Variants in VRK2 observed in about 807,000 individuals in gnomAD.
VRK2 encodes serine/threonine-protein kinase VRK2.
In VRK2, 60 loss-of-function variants were observed where a neutral mutation model predicts 57.6. That is an observed-to-expected ratio of 1.04 (90% confidence interval 0.85 to 1.29). The LOEUF is 1.29. VRK2 is among the 50% of genes most tolerant of loss of function. The pLI is 0.00. For synonymous variants in VRK2, 231 were observed against 199.2 expected, an observed-to-expected ratio of 1.16 and a Z score of -1.35; for missense variants, 705 against 588.1, an observed-to-expected ratio of 1.20 and a Z score of -2.06.
At chr2:58,046,463 C>T, upstream of VRK2, 1 of 983,032 alleles carries the variant, frequency 1.0e-6, no homozygotes, top group Middle Eastern at 5.2e-4. Context: ...TCGTAGTACT[C>T]AGGTTGTGGT....
intron 8 of VRK2, among the ~76,000 whole-genome samples, chr2:58,127,934 C>T (rs192746818): frequency 2.0e-5 from 3 of 152,272 alleles, no homozygotes; most frequent in Admixed American, 2.0e-4. Flanking sequence ...CTCTTTCAGT[C>T]CATTTGGTGA....
At chr2:58,028,392 T>C (rs1404974961) in intron 2 of VRK2, 1 of 152,186 alleles carries the variant, frequency 6.6e-6, no homozygotes, top group African/African-American at 2.4e-5. Flanking sequence ...TCCAAGTCTT[T>C]GCTATTGTGA....
At chr2:57,974,056 G>C (rs1268687413) in intron 1 of VRK2, among the ~76,000 whole-genome samples, 1 of 151,732 alleles carries the variant, frequency 6.6e-6, no homozygotes, top group Non-Finnish European at 1.5e-5. Context: ...ATGTGCAAAG[G>C]CTCTGAGGAA....
chr2:58,157,134 T>C (rs1005693850), intron 12 of VRK2, among the ~76,000 whole-genome samples: 2 of 152,188 alleles, frequency 1.3e-5, no homozygotes, highest in African/African-American at 4.8e-5. Flanking sequence ...TTGTTTTAGA[T>C]CCCTAAGTTA....
rs144275148 is a variant in VRK2 at position 58,137,203 on chromosome 2, T to A, written c.856+2004T>A. Reference sequence around the variant, plus strand: ...ATATCATATATGATACATATATATCTCATATATGATACATATATATCATAT... The same window carrying A: ...ATATCATATATGATACATATATATCACATATATGATACATATATATCATAT... On this transcript the variant is annotated intron_variant, in intron 10 of 12. Transcript: ENST00000340157. Among the ~76,000 whole-genome samples the A allele has an allele frequency of 3.8e-3, 53 of 13,798 alleles. 8 individuals carry two copies. Among genetic ancestry groups the A allele is most frequent in the African/African-American group, 0.014 (51 of 3,728 alleles). 9.1% of individuals were successfully genotyped at this position (13,798 alleles called of 152,430 possible).
At chr2:57,977,670 T>C (rs1672293097) in intron 1 of VRK2, among the ~76,000 whole-genome samples, 1 of 151,220 alleles carries the variant, frequency 6.6e-6, no homozygotes, top group Non-Finnish European at 1.5e-5. Context: ...CAAAGAGAGA[T>C]CGTTTGACTT....
chr2:58,074,441 G>T (rs866944314), intron 2 of VRK2, among the ~76,000 whole-genome samples: 1 of 151,728 alleles, frequency 6.6e-6, no homozygotes, highest in African/African-American at 2.4e-5. Context: ...TCCTTTCTTG[G>T]AGTATCAATT....
intron 1 of VRK2, among the ~76,000 whole-genome samples, chr2:57,922,258 C>T (rs1670373669): frequency 6.6e-6 from 1 of 151,922 alleles, no homozygotes; most frequent in African/African-American, 2.4e-5. Context: ...GATACGCATT[C>T]TAAAATTCTG....
intron 1 of VRK2, among the ~76,000 whole-genome samples, chr2:57,986,099 G>A (rs1460516537): frequency 1.3e-5 from 2 of 152,010 alleles, no homozygotes; most frequent in Non-Finnish European, 2.9e-5. Flanking sequence ...GCAAGAAATG[G>A]AAATTTTACC....
At chr2:57,998,172 A>G (rs959670856) in intron 1 of VRK2, among the ~76,000 whole-genome samples, 1 of 152,210 alleles carries the variant, frequency 6.6e-6, no homozygotes, top group Admixed American at 6.5e-5. Context: ...CTTTTTATTA[A>G]AAGCCTTTCT....
chr2:58,146,343 C>T lies in VRK2; in HGVS notation c.1051C>T (p.Gln351Ter), dbSNP rs762621713. The T allele has an allele frequency of 1.9e-6, 3 of 1,610,322 alleles. No homozygotes were observed. In the East Asian group the frequency reaches 6.7e-5, roughly 36 times the overall value. Reference sequence around the variant, plus strand: ...TGATTCACAAAAGGCTGCAACAAAGCAAGTCAACAAGGCACACAATAGGTT... The same window carrying T: ...TGATTCACAAAAGGCTGCAACAAAGTAAGTCAACAAGGCACACAATAGGTT... ...KVDSQKAATK[Q>*]VNKAHNRLIE... Residue 351 changes from glutamine (Q) to a stop codon, truncating the protein, a stop_gained, in exon 12 of 13, where the codon CAA (glutamine) becomes TAA (stop). Transcript: ENST00000340157. LOFTEE classifies it high-confidence loss of function.
chr2:58,035,214 C>T (rs1319022416), intron 3 of VRK2, among the ~76,000 whole-genome samples: 1 of 151,888 alleles, frequency 6.6e-6, no homozygotes, highest in African/African-American at 2.4e-5. Context: ...TCTGTTGCTA[C>T]CATAGAATTA....
At chr2:58,158,152 G>C (rs1684273706) in intron 12 of VRK2, among the ~76,000 whole-genome samples, 1 of 145,706 alleles carries the variant, frequency 6.9e-6, no homozygotes. Context: ...GCACATGTGA[G>C]CTATATGTAA....
chr2:57,913,424 G>C (rs897910081), intron 1 of VRK2, among the ~76,000 whole-genome samples: 2 of 152,056 alleles, frequency 1.3e-5, no homozygotes, highest in African/African-American at 4.8e-5. Flanking sequence ...AAGATTATTA[G>C]CAATTTTTTT....
chr2:58,020,621 T>C (rs914458188), intron 1 of VRK2, among the ~76,000 whole-genome samples: 1 of 152,258 alleles, frequency 6.6e-6, no homozygotes, highest in Admixed American at 6.5e-5. Context: ...TTTGCATGTA[T>C]TATATGCTTA....
intron 12 of VRK2, chr2:58,154,912 T>G: frequency 1.8e-6 from 1 of 549,386 alleles, no homozygotes; most frequent in Non-Finnish European, 3.3e-6. Context: ...CCCTTGAGAC[T>G]TTTAATACCT....
At chr2:58,149,057 A>G (rs555194380) in intron 12 of VRK2, among the ~76,000 whole-genome samples, 10 of 151,922 alleles carry the variant, frequency 6.6e-5, no homozygotes, top group Admixed American at 1.3e-4. Context: ...GACTGGGAGT[A>G]CATTAAGTGT....
rs1680534770 is a variant in VRK2 at position 58,137,198 on chromosome 2, A to ATGATACATG, written c.856+2000_856+2001insGATACATGT. Among the ~76,000 whole-genome samples, 50 of 90,878 alleles carry ATGATACATG rather than the reference A, an allele frequency of 5.5e-4. 3 individuals carry two copies. The highest frequency in any genetic ancestry group is 3.5e-3 in the African/African-American group (45 of 12,920). The allele number at this position is 90,878 out of a possible 152,430, so 59.6% of individuals were successfully genotyped here. ...CATATATATCATATATGATACATAT[A>ATGATACATG]TATCTCATATATGATACATATATAT... On this transcript the variant is annotated intron_variant, in intron 10 of 12. Coordinates refer to ENST00000340157, the MANE Select transcript of VRK2 (RefSeq NM_006296.7).
At chr2:58,087,549 G>A (rs995135781) in intron 5 of VRK2, among the ~76,000 whole-genome samples, 1 of 152,160 alleles carries the variant, frequency 6.6e-6, no homozygotes, top group Non-Finnish European at 1.5e-5. Context: ...ATATAGAATA[G>A]GGGCTGATGT....
Sources: allele counts gnomAD v4.1 joint callset (sites outside exome capture counted in the v4.1 genomes callset), GRCh38; gene constraint gnomAD v4.1.1; transcripts MANE v1.5; gene names NCBI Gene and HGNC (gene_info 2026-07-23, HGNC 2026-07-21).